The following KMT2C variants were observed in gnomAD, a reference collection of about 807,000 sequenced individuals.
KMT2C encodes the protein lysine methyltransferase 2C.
In KMT2C, 88 loss-of-function variants were observed where a neutral mutation model predicts 507.9. That is an observed-to-expected ratio of 0.17 (90% CI 0.15 to 0.21). KMT2C has a LOEUF of 0.21. KMT2C is among the 10% of genes least tolerant of loss of function. The pLI is 1.00. For missense variants in KMT2C, 4,954 were observed against 5,957.8 expected, an observed-to-expected ratio of 0.83 and a Z score of 5.55; for synonymous variants, 2,049 against 2,080.8, an observed-to-expected ratio of 0.98 and a Z score of 0.42.
chr7:152,399,356 T>TA (rs1252826181), intron 1 of KMT2C, among the ~76,000 whole-genome samples: 1 of 152,148 alleles, frequency 6.6e-6, no homozygotes, highest in Non-Finnish European at 1.5e-5. Context: ...AACAGTAGTT[T>TA]AAAAAAATTT....
chr7:152,263,322 T>G (rs1053865369), intron 8 of KMT2C, among the ~76,000 whole-genome samples, 192 bp from the exon 9 acceptor site: 1 of 152,186 alleles, frequency 6.6e-6, no homozygotes, highest in Non-Finnish European at 1.5e-5. Context: ...CTTTACTCAA[T>G]GCTCACCTAT....
At chr7:152,403,709 GACACATACACACAC>G (rs2097586115) in intron 1 of KMT2C, among the ~76,000 whole-genome samples, 10 of 150,902 alleles carry the variant, frequency 6.6e-5, no homozygotes, top group African/African-American at 1.9e-4. Flanking sequence ...GAAAAACTGG[GACACATACACACAC>G]ACACACACAC....
At position 152,325,345 on chromosome 7, in the gene KMT2C, C is replaced by T. The variant is rs530310947; in HGVS notation, c.389+5256G>A. Among the ~76,000 whole-genome samples the T allele has an allele frequency of 7.8e-3, 1,191 of 151,822 alleles. 13 individuals carry two copies. The highest frequency in any genetic ancestry group is 9.3e-3 in the Non-Finnish European group (633 of 67,830). On this transcript the variant is annotated intron_variant, in intron 3 of 58. Transcript: ENST00000262189. Reference sequence around the variant, plus strand: ...TGTATTTTTAGTAGAGATGGGGTTTCACCATGTTGGCCAGGCTGGTCCCAA... The same window carrying T: ...TGTATTTTTAGTAGAGATGGGGTTTTACCATGTTGGCCAGGCTGGTCCCAA...
At position 152,248,355 on chromosome 7, in the gene KMT2C, A is replaced by G; in HGVS notation, c.2079T>C (p.Thr693=). The change falls in exon 14 of 59, where the codon ACT becomes ACC. Residue 693 remains threonine (T), a synonymous_variant. Coordinates refer to ENST00000262189, the MANE Select transcript of KMT2C (RefSeq NM_170606.3). ...GGGACACTAAGGTTTCTAGTGGAAG[A>G]GTGACAGATTCCATGACTAATTTTG... ...RPPKLVMESV[T]LPLETLVSPH... 1 of 1,613,970 alleles carries G rather than the reference A, an allele frequency of 6.2e-7. No individual in the cohort carries two copies. The highest frequency in any genetic ancestry group is 2.2e-5 in the East Asian group (1 of 44,868).
chr7:152,200,594 C>T (rs1006645620), intron 26 of KMT2C, among the ~76,000 whole-genome samples: 4 of 151,832 alleles, frequency 2.6e-5, no homozygotes, highest in East Asian at 1.9e-4. Context: ...GCCAGGCATG[C>T]GCCAACATGC....
intron 6 of KMT2C, among the ~76,000 whole-genome samples, chr7:152,292,681 T>A (rs932463710): frequency 2.0e-5 from 3 of 152,162 alleles, no homozygotes; most frequent in African/African-American, 7.2e-5. Context: ...TGCTGACACC[T>A]CCATCCACCC....
Position 152,371,006 on chromosome 7 carries a change from G to T in KMT2C, c.162-12331C>A, listed in dbSNP as rs141061984. On this transcript the variant is annotated intron_variant, in intron 1 of 58. Transcript: ENST00000262189. The stretch of plus-strand genomic sequence containing the variant: ...GACCTGCCTTACAAGAAATGCTAAA[G>T]AAAGTTCTTCAAATTGAAACAAAAG... Among the ~76,000 whole-genome samples the T allele has an allele frequency of 7.8e-3, 1,186 of 152,182 alleles. 15 individuals carry two copies. Among genetic ancestry groups the T allele is most frequent in the African/African-American group, 0.027 (1,138 of 41,534 alleles).
intron 27 of KMT2C, 29 bp from the exon 28 acceptor site, chr7:152,196,040 T>C (rs1327195677): frequency 7.3e-7 from 1 of 1,363,154 alleles, no homozygotes; most frequent in Non-Finnish European, 1.0e-6. Flanking sequence ...TTTTTTAAAA[T>C]TTCAGTATTT....
chr7:152,201,293 G>GACACACACAC (rs3839689), intron 26 of KMT2C, among the ~76,000 whole-genome samples: 17 of 137,052 alleles, frequency 1.2e-4, no homozygotes, highest in East Asian at 4.2e-4. Context: ...TACAGACACA[G>GACACACACAC]ACACACACAC....
chr7:152,245,465 T>G, intron 14 of KMT2C, among the ~76,000 whole-genome samples: 1 of 152,202 alleles, frequency 6.6e-6, no homozygotes, highest in Admixed American at 6.5e-5. Context: ...TTAAATAAAA[T>G]AGATTAAAAT....
At chr7:152,368,229 C>T in intron 1 of KMT2C, 1 of 894,506 alleles carries the variant, frequency 1.1e-6, no homozygotes, top group Non-Finnish European at 1.9e-6. Context: ...TAAAAACACA[C>T]ACTCAGGACT....
At chr7:152,303,925 G>A (rs1190866720) in intron 6 of KMT2C, among the ~76,000 whole-genome samples, 1 of 152,056 alleles carries the variant, frequency 6.6e-6, no homozygotes, top group Non-Finnish European at 1.5e-5. Flanking sequence ...GAAGCAGAAG[G>A]TGCAGTAAAC....
At chr7:152,203,270 A>G (rs2094199834) in intron 25 of KMT2C, among the ~76,000 whole-genome samples, 1 of 151,924 alleles carries the variant, frequency 6.6e-6, no homozygotes, top group Non-Finnish European at 1.5e-5. Context: ...CATTTTTCCT[A>G]TTTTCTTAAT....
At chr7:152,143,197 GAGAGAGGCTCAAC>G (rs1458314855) in intron 55 of KMT2C, among the ~76,000 whole-genome samples, 2 of 152,328 alleles carry the variant, frequency 1.3e-5, no homozygotes, top group Non-Finnish European at 2.9e-5. Context: ...CACAGAATCC[GAGAGAGGCTCAAC>G]AGAGAGGGGC....
rs556708680 is a variant in KMT2C at position 152,195,074 on chromosome 7, A to C, written c.4379-506T>G. Among the ~76,000 whole-genome samples the C allele has an allele frequency of 2.8e-4, 42 of 152,308 alleles. 1 individual carries two copies. The highest frequency in any genetic ancestry group is 5.1e-4 in the Non-Finnish European group (35 of 68,014). Reference sequence around the variant, plus strand: ...AGGTAATATTTTTAAAGTATTCTATAGGCACATTCTGATTATGTACATTAC... The same window carrying C: ...AGGTAATATTTTTAAAGTATTCTATCGGCACATTCTGATTATGTACATTAC... On this transcript the variant is annotated intron_variant, in intron 28 of 58. Transcript: ENST00000262189.
At position 152,177,889 on chromosome 7, in the gene KMT2C, T is replaced by C. The variant is rs1185184729; in HGVS notation, c.7564A>G (p.Met2522Val). The part of the protein sequence containing the change: ...PQLRRSVSVD[M>V]PRPLNNSQMN... ...TGTGAGTTATTTAAAGGCCTAGGCA[T>C]ATCTACAGATACTGATCTTCTTAGC... is the stretch of plus-strand genomic sequence containing the variant. The change falls in exon 38 of 59, where the codon ATG (methionine) becomes GTG (valine). Residue 2522 changes from methionine (M) to valine (V), a missense_variant. By Grantham distance (21) the Met-to-Val change is conservative. Around this residue, in one of 29 missense-constraint regions of KMT2C, gnomAD observed 1,689 missense variants for 1,654.3 expected, o/e 1.02. Transcript: ENST00000262189. The C allele has an allele frequency of 3.1e-6, 5 of 1,613,566 alleles. No individual in the cohort carries two copies. Among genetic ancestry groups the C allele is most frequent in the South Asian group, 1.1e-5 (1 of 91,060 alleles).
chr7:152,228,150 G>A (rs2094991807), intron 18 of KMT2C, among the ~76,000 whole-genome samples: 1 of 152,128 alleles, frequency 6.6e-6, no homozygotes, highest in Admixed American at 6.6e-5. Flanking sequence ...TACAGGTTGT[G>A]CTTCTGTAGT....
At chr7:152,428,458 C>CAAAAAAAAAA (rs140697569) in intron 1 of KMT2C, among the ~76,000 whole-genome samples, 29 of 73,456 alleles carry the variant, frequency 3.9e-4, no homozygotes, top group South Asian at 5.8e-4. Context: ...ACTAAAAATA[C>CAAAAAAAAAA]AAAAAAAAAA....
chr7:152,367,753 A>T (rs188806868), intron 1 of KMT2C: 8 of 1,072,770 alleles, frequency 7.5e-6, no homozygotes, highest in Non-Finnish European at 1.0e-5. Flanking sequence ...GATTACATTG[A>T]TAGTAAATCT....
Sources: gnomAD v4.1 joint callset for allele counts (sites outside exome capture counted in the v4.1 genomes callset) on GRCh38, gnomAD v4.1.1 for gene constraint, gnomAD v4.1.1 regional missense constraint, MANE v1.5 for transcripts, NCBI Gene and HGNC (gene_info 2026-07-23, HGNC 2026-07-21) for gene names.